The following PRKD2 variants were observed in gnomAD, a reference collection of about 807,000 sequenced individuals.
PRKD2 encodes protein kinase D2, also known as serine/threonine-protein kinase D2.
Under a neutral mutation model 86.0 loss-of-function variants are expected in PRKD2, and 22 were observed. The observed-to-expected ratio is 0.26, with a 90% CI of 0.18 to 0.37. PRKD2 has a LOEUF of 0.37. PRKD2 is among the 10% of genes least tolerant of loss of function. The pLI, the probability that PRKD2 is intolerant of heterozygous loss-of-function variation, is 1.00. For missense variants in PRKD2, 818 were observed against 1,199.2 expected (o/e 0.68, Z 4.70); for synonymous variants, 509 against 510.9 (o/e 1.00, Z 0.05).
Position 46,714,088 on chromosome 19 carries a change from C to G in PRKD2, c.241-87G>C, listed in dbSNP as rs2053848688. On this transcript the variant is annotated intron_variant, in intron 1 of 17. Coordinates refer to ENST00000291281, the MANE Select transcript of PRKD2 (RefSeq NM_016457.5). Reference sequence around the variant, plus strand: ...GACTGTGACCCTCCCAGGGCAGGGCCGGCTGTTTCCCCCGGAAACGCAGAG... The same window carrying G: ...GACTGTGACCCTCCCAGGGCAGGGCGGGCTGTTTCCCCCGGAAACGCAGAG... 8 of 1,493,764 alleles carry G rather than the reference C, an allele frequency of 5.4e-6. 1 individual carries two copies. The East Asian group carries it at 1.7e-4, about 31-fold the overall frequency. The allele number at this position is 1,493,764 out of a possible 1,614,324, so 92.5% of individuals were successfully genotyped here.
chr19:46,685,327 T>C, intron 14 of PRKD2: 1 of 151,820 alleles, frequency 6.6e-6, no homozygotes, highest in Non-Finnish European at 1.5e-5. Flanking sequence ...ACTCAAATCT[T>C]GGCTGGAAAG....
chr19:46,689,033 T>C (rs1194382220), intron 14 of PRKD2: 1 of 152,606 alleles, frequency 6.6e-6, no homozygotes, highest in Non-Finnish European at 1.5e-5. Context: ...GCCTCCTGAG[T>C]AGCTGAGACC....
intron 12 of PRKD2, 140 bp downstream of exon 12, chr19:46,691,595 T>A (rs1361035038): frequency 1.2e-6 from 1 of 803,090 alleles, no homozygotes; most frequent in Non-Finnish European, 2.1e-6. Context: ...CCACCCAGGA[T>A]CTAGCTAAGC....
intron 3 of PRKD2, 47 bp from the exon 4 acceptor site, chr19:46,704,696 A>G (rs760543378): frequency 3.2e-6 from 5 of 1,547,184 alleles, no homozygotes; most frequent in Middle Eastern, 1.8e-4. Context: ...TGCCCCTCCT[A>G]GGTCTCTTCT....
intron 3 of PRKD2, among the ~76,000 whole-genome samples, chr19:46,707,903 C>T (rs2053738053): frequency 6.6e-6 from 1 of 152,050 alleles, no homozygotes. Context: ...TCAAGACCAG[C>T]CTGGCCAACG....
chr19:46,701,874 C>G (rs2053640198), intron 5 of PRKD2, among the ~76,000 whole-genome samples: 1 of 152,014 alleles, frequency 6.6e-6, no homozygotes, highest in African/African-American at 2.4e-5. Context: ...CCAAACAAAA[C>G]CATCTCCAAC....
intron 3 of PRKD2, among the ~76,000 whole-genome samples, chr19:46,706,809 C>G (rs2053720053): frequency 6.6e-6 from 1 of 152,058 alleles, no homozygotes; most frequent in South Asian, 2.1e-4. Flanking sequence ...TCAGTATCTG[C>G]AGGCCTAGAG....
rs1237497625 is a variant in PRKD2, at chr19:46,693,516, G to T, written c.1576+359C>A. Among the ~76,000 whole-genome samples the T allele has an allele frequency of 6.6e-6, 1 of 152,090 alleles. No individual in the cohort carries two copies. Among genetic ancestry groups the T allele is most frequent in the Non-Finnish European group, 1.5e-5 (1 of 68,010 alleles). ...GACTGGAGTGCAGTGATGCAATCAT[G>T]ACTCACTACTCCCAGGCTCAAGCAA... is the stretch of plus-strand genomic sequence containing the variant. On this transcript the variant is annotated intron_variant, in intron 10 of 17. Transcript: ENST00000291281. The surrounding 1 kb of genome is among the most constrained non-coding windows in gnomAD (Gnocchi z 4.5).
rs1197449059 is a variant in PRKD2, at chr19:46,691,995, G to A, written c.1577-10C>T. ...CTCAGAGAAGCTTGTCCTAGGGAGA[G>A]GGGAGAGACAGAGGTGAGGGGACTC... On this transcript the variant is annotated splice_polypyrimidine_tract_variant and intron_variant, in intron 10 of 17. Transcript: ENST00000291281. 4.3e-6 allele frequency: 7 copies of A among 1,613,082 alleles called. No homozygotes were observed. In the African/African-American group the frequency reaches 5.3e-5, roughly 12 times the overall value.
chr19:46,698,995 G>A (rs1779094147), intron 7 of PRKD2, among the ~76,000 whole-genome samples: 1 of 152,132 alleles, frequency 6.6e-6, no homozygotes, highest in Non-Finnish European at 1.5e-5. Flanking sequence ...AAGGGAACCT[G>A]CGGCTTCAGG....
chr19:46,703,993 A>ACACACACACACACACACC (rs1568732338), intron 5 of PRKD2, among the ~76,000 whole-genome samples, 176 bp downstream of exon 5: 1 of 149,424 alleles, frequency 6.7e-6, no homozygotes, highest in African/African-American at 2.5e-5. Flanking sequence ...ACACACACAC[A>ACACACACACACACACACC]ACTGAGGTTC....
chr19:46,680,946 A>ATATATATATATATATATATATATTTTTTT, intron 15 of PRKD2, among the ~76,000 whole-genome samples: 2 of 48,232 alleles, frequency 4.1e-5, no homozygotes, highest in Non-Finnish European at 8.1e-5. Context: ...ATATATATAT[A>ATATATATATATATATATATATATTTTTTT]TTTTTTTTTT....
chr19:46,687,095 G>C (rs1250499483), intron 14 of PRKD2, among the ~76,000 whole-genome samples: 1 of 151,494 alleles, frequency 6.6e-6, no homozygotes, highest in Non-Finnish European at 1.5e-5. Flanking sequence ...AAAAAGAAAC[G>C]CAGAACAGAG....
chr19:46,709,278 T>G (rs1385649970), intron 3 of PRKD2: 1 of 167,016 alleles, frequency 6.0e-6, no homozygotes, highest in Non-Finnish European at 1.4e-5. Flanking sequence ...CAGTCAAGGT[T>G]TGTTTTTTCT....
At chr19:46,685,578 A>T (rs1336559119) in intron 14 of PRKD2, 1 of 152,472 alleles carries the variant, frequency 6.6e-6, no homozygotes, top group Non-Finnish European at 1.5e-5. Flanking sequence ...AGAGGAAGAG[A>T]TGAAGGCCAG....
At chr19:46,677,549 C>T (rs1349630327) in intron 16 of PRKD2, 1 of 152,512 alleles carries the variant, frequency 6.6e-6, no homozygotes, top group Non-Finnish European at 1.5e-5. Context: ...TTAGCCCTGC[C>T]TCTGGCCCTC....
intron 14 of PRKD2, chr19:46,688,969 TG>T (rs2053442758): frequency 6.6e-6 from 1 of 152,006 alleles, no homozygotes; most frequent in South Asian, 2.1e-4. Flanking sequence ...CCAAACTTAA[TG>T]AGGACACCTG....
At chr19:46,696,292 G>A (rs1019734859) in intron 9 of PRKD2, among the ~76,000 whole-genome samples, 1 of 152,070 alleles carries the variant, frequency 6.6e-6, no homozygotes, top group African/African-American at 2.4e-5. Flanking sequence ...GGGGTTTGAC[G>A]GTTTTAATGA....
intron 10 of PRKD2, among the ~76,000 whole-genome samples, chr19:46,692,885 C>A (rs563131408): frequency 1.1e-3 from 161 of 152,302 alleles, no homozygotes; most frequent in Middle Eastern, 6.8e-3. Context: ...GCTCAAATGT[C>A]ACTCCTAGGA....
Sources: gnomAD v4.1 joint callset for allele counts (sites outside exome capture counted in the v4.1 genomes callset) on GRCh38, gnomAD v4.1.1 for gene constraint, Gnocchi (gnomAD v3.1) non-coding constraint, MANE v1.5 for transcripts, NCBI Gene and HGNC (gene_info 2026-07-23, HGNC 2026-07-21) for gene names.